SLC39A11: variants seen among roughly 807,000 people sequenced by gnomAD.
The protein encoded by SLC39A11 is zinc transporter ZIP11.
SLC39A11 carries 33 observed loss-of-function variants against 36.1 expected under a neutral mutation model. The ratio of observed to expected loss-of-function variants is 0.91; its 90% CI spans 0.69 to 1.22. The LOEUF is 1.22. Among genes scored for constraint, SLC39A11 ranks in the 50% most tolerant of loss-of-function variants. The pLI is 0.00. For missense variants in SLC39A11, 432 were observed against 430.3 expected, an observed-to-expected ratio of 1.00 and a Z score of -0.03; for synonymous variants, 166 against 170.3, an observed-to-expected ratio of 0.97 and a Z score of 0.20.
intron 5 of SLC39A11, among the ~76,000 whole-genome samples, chr17:72,888,799 G>T (rs1047190293): frequency 6.6e-6 from 1 of 152,122 alleles, no homozygotes; most frequent in Admixed American, 6.5e-5. Flanking sequence ...CTACTTGGGA[G>T]GCTGAGGAGA....
At chr17:72,734,140 T>A (rs1258892197) in intron 7 of SLC39A11, among the ~76,000 whole-genome samples, 1 of 152,084 alleles carries the variant, frequency 6.6e-6, no homozygotes, top group African/African-American at 2.4e-5. Flanking sequence ...TCCCATGAAA[T>A]CCTATGTGTA....
At chr17:72,729,409 A>T (rs1344554313) in intron 7 of SLC39A11, among the ~76,000 whole-genome samples, 13 of 2,396 alleles carry the variant, frequency 5.4e-3, no homozygotes, top group Non-Finnish European at 9.0e-3. Context: ...GGCTATTTAT[A>T]TATATATATA....
intron 4 of SLC39A11, among the ~76,000 whole-genome samples, chr17:72,949,903 A>G (rs2085736763): frequency 2.6e-5 from 4 of 151,664 alleles, no homozygotes; most frequent in Admixed American, 2.6e-4. Context: ...TTCTTGGATA[A>G]GTTCCTTTCA....
intron 7 of SLC39A11, among the ~76,000 whole-genome samples, chr17:72,666,364 C>T (rs186371141): frequency 6.6e-6 from 1 of 152,312 alleles, no homozygotes. Context: ...AAAACGGCTG[C>T]TCAGCAAAAC....
intron 6 of SLC39A11, among the ~76,000 whole-genome samples, chr17:72,798,420 T>G (rs2076971697): frequency 6.8e-6 from 1 of 146,266 alleles, no homozygotes. Flanking sequence ...CTTTCTTTCT[T>G]TTTTTTTTTT....
chr17:72,991,088 C>G (rs1251000375), intron 4 of SLC39A11, among the ~76,000 whole-genome samples: 1 of 152,110 alleles, frequency 6.6e-6, no homozygotes, highest in Non-Finnish European at 1.5e-5. Context: ...AAAGGTTAAC[C>G]TGTTACCATA....
chr17:72,788,537 G>C (rs1415195503), intron 6 of SLC39A11, among the ~76,000 whole-genome samples: 1 of 152,202 alleles, frequency 6.6e-6, no homozygotes, highest in Non-Finnish European at 1.5e-5. Context: ...TGTCTTTGCT[G>C]TACTGCTTCC....
chr17:73,050,744 C>G (rs778873444), intron 3 of SLC39A11, among the ~76,000 whole-genome samples: 1 of 152,114 alleles, frequency 6.6e-6, no homozygotes, highest in Admixed American at 6.6e-5. Context: ...GGATTACAGG[C>G]GTGAGCCACC....
At chr17:72,686,355 G>A (rs1022870509) in intron 7 of SLC39A11, among the ~76,000 whole-genome samples, 3 of 152,178 alleles carry the variant, frequency 2.0e-5, no homozygotes, top group Non-Finnish European at 4.4e-5. Context: ...GCTATGTGGC[G>A]ACAGACCTTC....
chr17:72,679,114 G>C (rs1217363063), intron 7 of SLC39A11, among the ~76,000 whole-genome samples: 2 of 152,140 alleles, frequency 1.3e-5, no homozygotes, highest in Non-Finnish European at 2.9e-5. Flanking sequence ...CCAGAGGCTG[G>C]GGAGGGAAGA....
intron 3 of SLC39A11, among the ~76,000 whole-genome samples, chr17:73,045,592 A>C (rs1294557366): frequency 6.6e-6 from 1 of 152,120 alleles, no homozygotes; most frequent in African/African-American, 2.4e-5. Flanking sequence ...GCTCCAGTCT[A>C]ATAACGCTTA....
intron 6 of SLC39A11, among the ~76,000 whole-genome samples, chr17:72,815,642 C>A (rs1271989458): frequency 6.6e-6 from 1 of 151,308 alleles, no homozygotes; most frequent in Non-Finnish European, 1.5e-5. Context: ...TGTCCTAGGG[C>A]CAGGTGTGGT....
chr17:72,702,108 T>C (rs1487244743), intron 7 of SLC39A11, among the ~76,000 whole-genome samples: 1 of 152,028 alleles, frequency 6.6e-6, no homozygotes, highest in Non-Finnish European at 1.5e-5. Context: ...TCTGTCTCCA[T>C]AAAATAAAAT....
rs2060015920 is a variant in SLC39A11, at chr17:73,067,017, TAAAG to T, written c.147+17787_147+17790del. Among the ~76,000 whole-genome samples the T allele has an allele frequency of 6.6e-5, 10 of 152,252 alleles. 1 individual carries two copies. The South Asian group carries it at 1.7e-3, about 25-fold the overall frequency. On this transcript the variant is annotated intron_variant, in intron 3 of 9. Transcript: ENST00000255559. ...ATTACTTCTTCCTTTCAAATGAAACTAAAGAAAGAAAGAACTCATTTTAAAAGCA... is the reference window on the plus strand; with the variant it reads ...ATTACTTCTTCCTTTCAAATGAAACTAAAGAAAGAACTCATTTTAAAAGCA...
At chr17:72,968,735 C>A (rs1027958769) in intron 4 of SLC39A11, among the ~76,000 whole-genome samples, 1 of 152,216 alleles carries the variant, frequency 6.6e-6, no homozygotes, top group East Asian at 1.9e-4. Flanking sequence ...AAAAATGCAG[C>A]CACCACAGAA....
In SLC39A11 at chr17:72,677,951, T is replaced by G. The variant is rs77941010; in HGVS notation, c.672-28683A>C. ...CCTACAAGCCCATCCAGTGCTCCCG[T>G]GTTCTCCTCTTAGTTTGAATACCAA... is the stretch of plus-strand genomic sequence containing the variant. On this transcript the variant is annotated intron_variant, in intron 7 of 9. Transcript: ENST00000255559. Among the ~76,000 whole-genome samples, 243 of 152,320 alleles carry G rather than the reference T, an allele frequency of 1.6e-3. 1 individual carries two copies. The highest frequency in any genetic ancestry group is 5.7e-3 in the African/African-American group (236 of 41,568).
chr17:72,696,738 C>G (rs2072321885), intron 7 of SLC39A11, among the ~76,000 whole-genome samples: 1 of 152,164 alleles, frequency 6.6e-6, no homozygotes, highest in Non-Finnish European at 1.5e-5. Flanking sequence ...TATGAACCTG[C>G]TTTTAATAAT....
chr17:72,976,010 A>G (rs942438137), intron 4 of SLC39A11, among the ~76,000 whole-genome samples: 9 of 151,832 alleles, frequency 5.9e-5, no homozygotes, highest in Non-Finnish European at 1.3e-4. Context: ...CTCTACTAAA[A>G]ATACAAAAAA....
chr17:72,998,493 C>T (rs1489899056), intron 4 of SLC39A11, among the ~76,000 whole-genome samples: 1 of 152,194 alleles, frequency 6.6e-6, no homozygotes, highest in Non-Finnish European at 1.5e-5. Flanking sequence ...TCTGTAATTG[C>T]TTGTTTATAT....
Sources: gnomAD v4.1 joint callset for allele counts (sites outside exome capture counted in the v4.1 genomes callset) on GRCh38, gnomAD v4.1.1 for gene constraint, MANE v1.5 for transcripts, NCBI Gene and HGNC (gene_info 2026-07-23, HGNC 2026-07-21) for gene names.